Variants in PLD5 observed in about 807,000 individuals in gnomAD.
The protein encoded by PLD5 is phospholipase D family member 5, also known as inactive phospholipase D5.
PLD5 carries 36 observed loss-of-function variants against 61.1 expected under a neutral mutation model. That is an observed-to-expected ratio of 0.59 (90% CI 0.45 to 0.78). PLD5 has a LOEUF of 0.78. Among genes scored for constraint, PLD5 ranks in the 30% least tolerant of loss-of-function variants. The probability of loss-of-function intolerance (pLI) is 0.00; values close to 1 mark genes in which losing one functional copy is unlikely to be tolerated. For missense variants in PLD5, 515 were observed against 644.4 expected (o/e 0.80, Z 2.17); for synonymous variants, 243 against 242.8 (o/e 1.00, Z -0.01).
At chr1:242,453,818 A>G (rs1225005761) in intron 1 of PLD5, among the ~76,000 whole-genome samples, 1 of 152,176 alleles carries the variant, frequency 6.6e-6, no homozygotes. Flanking sequence ...TGAACTGCTT[A>G]TCTTTCTTTG....
intron 1 of PLD5, among the ~76,000 whole-genome samples, chr1:242,357,918 T>C (rs1416991499): frequency 6.6e-6 from 1 of 152,154 alleles, no homozygotes; most frequent in Non-Finnish European, 1.5e-5. Context: ...CGGTCATACT[T>C]TATTCTTTTT....
intron 5 of PLD5, among the ~76,000 whole-genome samples, chr1:242,215,759 G>A (rs1670148291): frequency 6.6e-6 from 1 of 152,140 alleles, no homozygotes. Context: ...GACAACACAG[G>A]CCCTGGACAG....
At chr1:242,479,613 A>G (rs899684207) in intron 1 of PLD5, among the ~76,000 whole-genome samples, 3 of 152,204 alleles carry the variant, frequency 2.0e-5, no homozygotes, top group Non-Finnish European at 4.4e-5. Context: ...ATTGATGTAT[A>G]GATTTAATGT....
At chr1:242,376,685 CAA>C (rs920846133) in intron 1 of PLD5, among the ~76,000 whole-genome samples, 1 of 152,028 alleles carries the variant, frequency 6.6e-6, no homozygotes, top group Non-Finnish European at 1.5e-5. Context: ...AAACATGTAA[CAA>C]AGAGTATAAA....
chr1:242,336,609 T>C (rs1413957873), intron 2 of PLD5, among the ~76,000 whole-genome samples: 2 of 152,130 alleles, frequency 1.3e-5, no homozygotes, highest in African/African-American at 4.8e-5. Flanking sequence ...TATCCACATA[T>C]AAAATCATAT....
chr1:242,384,044 G>T (rs1418593755), intron 1 of PLD5, among the ~76,000 whole-genome samples: 1 of 152,172 alleles, frequency 6.6e-6, no homozygotes, highest in Non-Finnish European at 1.5e-5. Context: ...TTCGGCAACG[G>T]CTGAGCCACT....
chr1:242,307,348 C>T (rs1827420), intron 2 of PLD5, among the ~76,000 whole-genome samples: 30,569 of 75,984 alleles, frequency 0.4, 3,659 homozygotes, highest in East Asian at 0.56. Flanking sequence ...ACGATGATGA[C>T]GGTGATGATG....
intron 4 of PLD5, among the ~76,000 whole-genome samples, chr1:242,258,698 A>G (rs1673218080): frequency 6.6e-6 from 1 of 152,206 alleles, no homozygotes; most frequent in South Asian, 2.1e-4. Context: ...TATTGTCTGA[A>G]TATCTTGCTT....
At chr1:242,199,245 A>T (rs975551052) in intron 5 of PLD5, among the ~76,000 whole-genome samples, 2 of 151,678 alleles carry the variant, frequency 1.3e-5, no homozygotes, top group African/African-American at 4.8e-5. Context: ...TATTATTTTT[A>T]AAATTTGTAT....
rs531292778 is a variant in PLD5 at position 242,369,547 on chromosome 1, A to G, written c.190-21305T>C. ...AAGCCACTAAAATGTGCGTATGCTTATAAATAAACAAAGATTCAATGGAAT... is the reference window on the plus strand; with the variant it reads ...AAGCCACTAAAATGTGCGTATGCTTGTAAATAAACAAAGATTCAATGGAAT... On this transcript the variant is annotated intron_variant, in intron 1 of 9. Transcript: ENST00000536534. 3.9e-5 allele frequency among the ~76,000 whole-genome samples: 6 copies of G among 152,344 alleles called. No homozygotes were observed. The East Asian group carries it at 1.2e-3, about 29-fold the overall frequency.
intron 4 of PLD5, among the ~76,000 whole-genome samples, chr1:242,220,376 G>A (rs753985736): frequency 1.1e-4 from 16 of 152,184 alleles, no homozygotes; most frequent in Non-Finnish European, 1.5e-4. Context: ...TGGCAGAGGA[G>A]GTTTTGCATA....
chr1:242,263,424 T>G (rs1673482848), intron 4 of PLD5, among the ~76,000 whole-genome samples: 1 of 151,508 alleles, frequency 6.6e-6, no homozygotes. Flanking sequence ...CTCATAAAAA[T>G]TATTTCTAAA....
intron 1 of PLD5, among the ~76,000 whole-genome samples, chr1:242,487,176 C>T (rs557985138): frequency 1.3e-5 from 2 of 151,802 alleles, no homozygotes; most frequent in East Asian, 1.9e-4. Context: ...CAAACCTGCA[C>T]GTTGTGCACA....
At position 242,265,432 on chromosome 1, in the gene PLD5, T is replaced by TC. The variant is rs761894198; in HGVS notation, c.511dup (p.Glu171GlyfsTer12). 1 of 1,609,488 alleles carries TC rather than the reference T, an allele frequency of 6.2e-7. No individual in the cohort carries two copies. The highest frequency in any genetic ancestry group is 8.5e-7 in the Non-Finnish European group (1 of 1,177,874). ...TTGCGAAGTCAGCTGGAGCAACTTT[T>TC]CAAAAAGACGTTGACCCTGGAAAAA... On this transcript the variant is annotated frameshift_variant, in exon 4 of 10. Coordinates refer to ENST00000536534, the MANE Select transcript of PLD5 (RefSeq NM_001372062.1). LOFTEE classifies it high-confidence loss of function.
intron 3 of PLD5, among the ~76,000 whole-genome samples, chr1:242,268,105 TG>T (rs1558414300): frequency 6.6e-6 from 1 of 152,182 alleles, no homozygotes; most frequent in Non-Finnish European, 1.5e-5. Flanking sequence ...AGGGGCTTTA[TG>T]GTTCTTCCAC....
At chr1:242,137,441 C>A (rs894519328) in intron 5 of PLD5, among the ~76,000 whole-genome samples, 1 of 152,166 alleles carries the variant, frequency 6.6e-6, no homozygotes, top group Non-Finnish European at 1.5e-5. Context: ...ATGCTACTAG[C>A]TCCAGATAGT....
intron 1 of PLD5, among the ~76,000 whole-genome samples, chr1:242,357,793 G>A (rs1279849870): frequency 6.6e-6 from 1 of 152,026 alleles, no homozygotes; most frequent in African/African-American, 2.4e-5. Context: ...GGCCATTAAT[G>A]ACTTTTTGAT....
At chr1:242,132,165 T>G (rs982136159) in intron 5 of PLD5, among the ~76,000 whole-genome samples, 1 of 108,948 alleles carries the variant, frequency 9.2e-6, no homozygotes, top group South Asian at 3.2e-4. Context: ...TAGTGAAAGG[T>G]GGTCATCAAA....
At chr1:242,529,339 A>T (rs1319118090), upstream of PLD5, among the ~76,000 whole-genome samples, 2 of 152,212 alleles carry the variant, frequency 1.3e-5, no homozygotes, top group East Asian at 1.9e-4. Flanking sequence ...CTATGTACAA[A>T]CTTACTTTAG....
Sources: gnomAD v4.1 joint callset for allele counts (sites outside exome capture counted in the v4.1 genomes callset) on GRCh38, gnomAD v4.1.1 for gene constraint, MANE v1.5 for transcripts, NCBI Gene and HGNC (gene_info 2026-07-23, HGNC 2026-07-21) for gene names.